The following PAXIP1 variants were observed in gnomAD, a reference collection of about 807,000 sequenced individuals.
PAXIP1 encodes PAX-interacting protein 1.
Under a neutral mutation model 140.6 loss-of-function variants are expected in PAXIP1, and 19 were observed. That is an observed-to-expected ratio of 0.14 (90% CI 0.09 to 0.20). The LOEUF (loss-of-function observed/expected upper bound fraction) is 0.20. Ranked by LOEUF, PAXIP1 falls within the 10% of genes least tolerant of loss-of-function variation. The pLI, the probability that PAXIP1 is intolerant of heterozygous loss-of-function variation, is 1.00. For missense variants in PAXIP1, 920 were observed against 1,208.6 expected, an observed-to-expected ratio of 0.76 and a Z score of 3.54; for synonymous variants, 442 against 444.6, an observed-to-expected ratio of 0.99 and a Z score of 0.07.
rs1183042561 is a variant in PAXIP1 at position 154,987,534 on chromosome 7, T to G, written c.324+3472A>C. ...CAGTTATCTGCTCCTCTCTCTATCA[T>G]GCTCTGCAGGAATCTCCTTCATGCC... On this transcript the variant is annotated intron_variant, in intron 4 of 20. Coordinates refer to ENST00000404141, the MANE Select transcript of PAXIP1 (RefSeq NM_007349.4). Among the ~76,000 whole-genome samples the G allele has an allele frequency of 2.0e-5, 3 of 152,180 alleles. No homozygotes were observed. In the South Asian group the frequency reaches 6.2e-4, roughly 31 times the overall value.
At position 154,973,140 on chromosome 7, in the gene PAXIP1, G is replaced by A. The variant is rs1428727421; in HGVS notation, c.1074+2556C>T. 6.6e-6 allele frequency among the ~76,000 whole-genome samples: 1 copy of A among 152,168 alleles called. No individual in the cohort carries two copies. The highest frequency in any genetic ancestry group is 1.9e-4 in the East Asian group (1 of 5,186). ...CCAGCGCTCTCATGGGCACCCACCT[G>A]GACAATCCCTGGCCTTGCAGCTCTT... On this transcript the variant is annotated intron_variant, in intron 6 of 20. Coordinates refer to ENST00000404141, the MANE Select transcript of PAXIP1 (RefSeq NM_007349.4). The surrounding 1 kb of genome is among the most constrained non-coding windows in gnomAD (Gnocchi z 4.0).
chr7:154,954,179 G>GA lies in PAXIP1; in HGVS notation c.2821+75dup. Reference sequence around the variant, plus strand: ...AGTTTAAAAATTAAATATTTGTTGGGATGAAAAGAGATGAATTCAAGAAAA... The same window carrying GA: ...AGTTTAAAAATTAAATATTTGTTGGGAATGAAAAGAGATGAATTCAAGAAAA... On this transcript the variant is annotated intron_variant, in intron 16 of 20. Coordinates refer to ENST00000404141, the MANE Select transcript of PAXIP1 (RefSeq NM_007349.4). This position sits in a 1 kb window ranked among gnomAD's most constrained non-coding sequence, Gnocchi z 5.1. The GA allele has an allele frequency of 1.0e-6, 1 of 966,036 alleles. No individual in the cohort carries two copies. The highest frequency in any genetic ancestry group is 1.7e-5 in the African/African-American group (1 of 60,408). 59.8% of individuals were successfully genotyped at this position (966,036 alleles called of 1,614,324 possible). A position where few individuals can be genotyped will look rare whatever the true frequency, so the allele number is the denominator to read the frequency against.
At chr7:154,955,501 T>C in intron 15 of PAXIP1, 28 bp downstream of exon 15, 1 of 1,368,068 alleles carries the variant, frequency 7.3e-7, no homozygotes, top group Non-Finnish European at 1.0e-6. Flanking sequence ...CTGCTAAAAA[T>C]CCTTGTACGA....
intron 2 of PAXIP1, among the ~76,000 whole-genome samples, chr7:154,997,965 C>A (rs1179775007): frequency 1.3e-5 from 2 of 152,228 alleles, no homozygotes; most frequent in Non-Finnish European, 2.9e-5. Flanking sequence ...TACACTCTTA[C>A]AATAATTCAA....
chr7:154,944,088 CGCCA>C lies in PAXIP1; in HGVS notation c.*57_*60del. ...ATGTGAAGGAAGCGCAGCAGCTCCT[CGCCA>C]GCCAGACAGCCAGCCCCGCACCGCA... On this transcript the variant is annotated 3_prime_UTR_variant, in exon 21 of 21. Transcript: ENST00000404141. The C allele has an allele frequency of 1.3e-6, 2 of 1,579,320 alleles. No individual in the cohort carries two copies. The highest frequency in any genetic ancestry group is 8.7e-7 in the Non-Finnish European group (1 of 1,151,596).
intron 5 of PAXIP1, among the ~76,000 whole-genome samples, chr7:154,981,345 A>G (rs939555607): frequency 6.6e-6 from 1 of 152,242 alleles, no homozygotes; most frequent in African/African-American, 2.4e-5. Context: ...ACAAATATTT[A>G]CCATTGCAGA....
intron 2 of PAXIP1, 33 bp downstream of exon 2, chr7:154,998,615 GAA>G (rs757604955): frequency 6.3e-7 from 1 of 1,583,414 alleles, no homozygotes; most frequent in African/African-American, 1.3e-5. Flanking sequence ...AGATACTGAG[GAA>G]AAGATATAAA....
intron 1 of PAXIP1, chr7:155,002,176 G>A (rs958347771): frequency 1.3e-5 from 2 of 152,252 alleles, no homozygotes; most frequent in African/African-American, 4.8e-5. Context: ...TTTGGCGTGA[G>A]CCCAAACTAC....
intron 2 of PAXIP1, among the ~76,000 whole-genome samples, chr7:154,995,798 G>A (rs1263152632): frequency 2.0e-5 from 3 of 151,828 alleles, no homozygotes; most frequent in East Asian, 1.9e-4. Context: ...GCAGTGAGTC[G>A]AGATCACACC....
chr7:154,974,693 C>T (rs1809485167), intron 6 of PAXIP1: 1 of 152,138 alleles, frequency 6.6e-6, no homozygotes, highest in Non-Finnish European at 1.5e-5. Context: ...TCACCATCAA[C>T]AGTCCTTTTG....
intron 16 of PAXIP1, chr7:154,948,220 A>G: frequency 1.9e-6 from 1 of 530,672 alleles, no homozygotes; most frequent in South Asian, 2.2e-5. Flanking sequence ...CTCCTAGATC[A>G]GTGGTAATTA....
intron 5 of PAXIP1, among the ~76,000 whole-genome samples, chr7:154,979,661 T>C (rs1809753134): frequency 6.6e-6 from 1 of 150,522 alleles, no homozygotes; most frequent in African/African-American, 2.4e-5. Flanking sequence ...TTAATTATAA[T>C]GTAAATAATA....
At chr7:154,957,164 G>A (rs1253641195) in intron 14 of PAXIP1, 60 bp downstream of exon 14, 12 of 873,670 alleles carry the variant, frequency 1.4e-5, no homozygotes, top group East Asian at 7.7e-5. Context: ...AATTGCCACC[G>A]ATTTTCCAAA....
chr7:154,980,588 A>AT (rs1050305199), intron 5 of PAXIP1, among the ~76,000 whole-genome samples: 6 of 151,028 alleles, frequency 4.0e-5, no homozygotes, highest in African/African-American at 4.9e-5. Context: ...CTAATTTTTT[A>AT]TTTTTTGTAA....
At chr7:154,969,851 A>G (rs188465108) in intron 6 of PAXIP1, among the ~76,000 whole-genome samples, 84 of 152,338 alleles carry the variant, frequency 5.5e-4, no homozygotes, top group Non-Finnish European at 6.5e-4. Flanking sequence ...AGGACTCATC[A>G]TTAGAGCTGG....
Position 155,002,957 on chromosome 7 carries a change from G to A in PAXIP1, c.-28C>T, listed in dbSNP as rs1811000855. On this transcript the variant is annotated 5_prime_UTR_variant, in exon 1 of 21. Coordinates refer to ENST00000404141, the MANE Select transcript of PAXIP1 (RefSeq NM_007349.4). ...TCGCGGCGGCCCGGGAGGCTCCGCG[G>A]CGGCGCCCGGCCCCGCCCACCCCCC... 8.9e-7 allele frequency: 1 copy of A among 1,123,088 alleles called. No individual in the cohort carries two copies. Among genetic ancestry groups the A allele is most frequent in the Non-Finnish European group, 1.1e-6 (1 of 890,842 alleles). 69.6% of individuals were successfully genotyped at this position (1,123,088 alleles called of 1,614,324 possible).
chr7:154,982,904 A>C (rs1809909410), intron 5 of PAXIP1, among the ~76,000 whole-genome samples: 1 of 152,200 alleles, frequency 6.6e-6, no homozygotes, highest in Non-Finnish European at 1.5e-5. Flanking sequence ...CTAAAAATAC[A>C]TTTTTTTAAC....
chr7:154,988,160 C>A (rs1224516470), intron 4 of PAXIP1, among the ~76,000 whole-genome samples: 1 of 152,168 alleles, frequency 6.6e-6, no homozygotes, highest in African/African-American at 2.4e-5. Flanking sequence ...AAATGCACAC[C>A]CTTGGTTGAC....
intron 12 of PAXIP1, among the ~76,000 whole-genome samples, chr7:154,960,460 G>A (rs186637495): frequency 7.9e-5 from 12 of 152,342 alleles, no homozygotes; most frequent in African/African-American, 2.4e-4. Context: ...TAACTGGCCT[G>A]AGAGGCAAGA....
Sources: gnomAD v4.1 joint callset for allele counts (sites outside exome capture counted in the v4.1 genomes callset) on GRCh38, gnomAD v4.1.1 for gene constraint, Gnocchi (gnomAD v3.1) non-coding constraint, MANE v1.5 for transcripts, NCBI Gene and HGNC (gene_info 2026-07-23, HGNC 2026-07-21) for gene names.